CLDN16: variants seen among roughly 807,000 people sequenced by gnomAD.
CLDN16 encodes the protein claudin 16.
In CLDN16, 13 loss-of-function variants were observed where a neutral mutation model predicts 24.6. The observed-to-expected ratio is 0.53, with a 90% CI of 0.34 to 0.84. The LOEUF (loss-of-function observed/expected upper bound fraction) is 0.84, where lower values mean the gene tolerates loss of function less well. Among genes scored for constraint, CLDN16 ranks in the 40% least tolerant of loss-of-function variants. The pLI is 0.01. For synonymous variants in CLDN16, 116 were observed against 106.7 expected (o/e 1.09, Z -0.54); for missense variants, 298 against 292.7 (o/e 1.02, Z -0.13).
At chr3:190,315,412 G>A in the CLDN16 span, among the ~76,000 whole-genome samples, 1 of 152,146 alleles carries the variant, frequency 6.6e-6, no homozygotes, top group South Asian at 2.1e-4. Context: ...AGTTTAGCAA[G>A]GTGGGCAGAA....
chr3:190,290,528 C>T, the CLDN16 span, among the ~76,000 whole-genome samples: 1 of 152,192 alleles, frequency 6.6e-6, no homozygotes, highest in East Asian at 1.9e-4. Context: ...TTTCATACCT[C>T]ACCATTTTCG....
chr3:190,310,277 C>T, the CLDN16 span: 1 of 1,573,140 alleles, frequency 6.4e-7, no homozygotes, highest in Non-Finnish European at 8.7e-7. Context: ...AAACAAAAGA[C>T]TGTTAATCAC....
At chr3:190,326,418 A>G (rs1717061301) in intron 1 of CLDN16, among the ~76,000 whole-genome samples, 1 of 152,210 alleles carries the variant, frequency 6.6e-6, no homozygotes. Context: ...TGTGTTCAGA[A>G]AAAGAGAAGG....
intron 1 of CLDN16, among the ~76,000 whole-genome samples, chr3:190,340,677 T>G (rs953158726): frequency 2.0e-5 from 3 of 152,130 alleles, no homozygotes; most frequent in Admixed American, 6.5e-5. Flanking sequence ...AAACCAATCA[T>G]GCCTTCCCAA....
At chr3:190,337,890 C>T (rs76181250) in intron 1 of CLDN16, among the ~76,000 whole-genome samples, 10,701 of 152,106 alleles carry the variant, frequency 0.07, 560 homozygotes, top group African/African-American at 0.14. Flanking sequence ...AAAGATATCC[C>T]CTGATCCTAT....
intron 2 of CLDN16, among the ~76,000 whole-genome samples, chr3:190,373,426 A>G (rs868386677): frequency 3.9e-5 from 6 of 151,966 alleles, no homozygotes; most frequent in South Asian, 2.1e-4. Context: ...TGAGTAACTC[A>G]TTTAGAACAA....
intron 1 of CLDN16, among the ~76,000 whole-genome samples, chr3:190,345,444 G>T (rs1255007360): frequency 2.0e-5 from 3 of 152,090 alleles, no homozygotes; most frequent in Non-Finnish European, 4.4e-5. Flanking sequence ...ACCCTATTTG[G>T]CAATCCTGGA....
intron 1 of CLDN16, among the ~76,000 whole-genome samples, chr3:190,361,388 T>C (rs4687137): frequency 0.7 from 106,229 of 151,942 alleles, 37,298 homozygotes; most frequent in Middle Eastern, 0.78. Context: ...GCTGTTCTTG[T>C]TCATTCCTGA....
intron 1 of CLDN16, among the ~76,000 whole-genome samples, chr3:190,359,237 CA>C (rs1323306291): frequency 6.6e-6 from 1 of 152,016 alleles, no homozygotes; most frequent in African/African-American, 2.4e-5. Flanking sequence ...TTTTGATGAA[CA>C]AAAATTATCA....
chr3:190,340,492 T>C (rs1433623564), intron 1 of CLDN16, among the ~76,000 whole-genome samples: 7 of 152,038 alleles, frequency 4.6e-5, no homozygotes, highest in Non-Finnish European at 8.8e-5. Context: ...CTCACTAACA[T>C]GAGAGGGTAG....
At chr3:190,320,519 A>G (rs765908282), upstream of CLDN16, among the ~76,000 whole-genome samples, 8 of 152,236 alleles carry the variant, frequency 5.3e-5, no homozygotes, top group Non-Finnish European at 1.0e-4. Flanking sequence ...GTTTTGGTGT[A>G]AAGAAGTCCT....
At chr3:190,344,124 A>AGTATAAAAAAT (rs1259460922) in intron 1 of CLDN16, among the ~76,000 whole-genome samples, 3,417 of 152,208 alleles carry the variant, frequency 0.022, 137 homozygotes, top group African/African-American at 0.076. Flanking sequence ...AAATATAAAA[A>AGTATAAAAAAT]ATATAAAAAA....
At chr3:190,339,412 T>C (rs961271269) in intron 1 of CLDN16, among the ~76,000 whole-genome samples, 1 of 152,200 alleles carries the variant, frequency 6.6e-6, no homozygotes, top group Non-Finnish European at 1.5e-5. Flanking sequence ...TCCTGACTAA[T>C]GAAGCAGAAG....
chr3:190,373,806 T>C lies in CLDN16; in HGVS notation n.231-722T>C, dbSNP rs970671961. 1.0e-4 allele frequency among the ~76,000 whole-genome samples: 15 copies of C among 149,634 alleles called. No individual in the cohort carries two copies. In the Admixed American group the frequency reaches 1.0e-3, roughly 10 times the overall value. On this transcript the variant is annotated intron_variant and non_coding_transcript_variant, in intron 2 of 4. Coordinates refer to the CLDN16 transcript ENST00000468220. ...ATGATGTAGGAAATATAGATGATAG[T>C]GGTATATATTTTAAATTGCCTATAA...
intron 1 of CLDN16, among the ~76,000 whole-genome samples, chr3:190,331,757 A>G (rs1717184516): frequency 6.6e-6 from 1 of 152,226 alleles, no homozygotes. Flanking sequence ...AATTACCACA[A>G]ATTTAGTGGC....
At chr3:190,384,021 G>A (rs1718429074), upstream of CLDN16, among the ~76,000 whole-genome samples, 1 of 152,136 alleles carries the variant, frequency 6.6e-6, no homozygotes, top group Admixed American at 6.6e-5. Context: ...CCTCAGAAAT[G>A]TTAACTAGCT....
intron 1 of CLDN16, among the ~76,000 whole-genome samples, chr3:190,327,091 A>C (rs1045563756): frequency 2.0e-5 from 3 of 152,144 alleles, no homozygotes; most frequent in Non-Finnish European, 4.4e-5. Flanking sequence ...ACAGAGATTT[A>C]TTATAAGAAA....
chr3:190,316,133 T>C, the CLDN16 span, among the ~76,000 whole-genome samples: 1 of 152,190 alleles, frequency 6.6e-6, no homozygotes, highest in African/African-American at 2.4e-5. Flanking sequence ...CTCTATAGAA[T>C]AATATATTAT....
At chr3:190,385,572 T>A (rs1037123205), upstream of CLDN16, among the ~76,000 whole-genome samples, 1 of 100,792 alleles carries the variant, frequency 9.9e-6, no homozygotes, top group Admixed American at 9.7e-5. Flanking sequence ...TAGTCTAGAT[T>A]TTTTTTTTTG....
Sources: gnomAD v4.1 joint callset for allele counts (sites outside exome capture counted in the v4.1 genomes callset) on GRCh38, gnomAD v4.1.1 for gene constraint, MANE v1.5 for transcripts, NCBI Gene and HGNC (gene_info 2026-07-23, HGNC 2026-07-21) for gene names.